The following B3GLCT variants were observed in gnomAD, a reference collection of about 807,000 sequenced individuals.
The protein encoded by B3GLCT is beta-1,3-glucosyltransferase.
A neutral mutation model predicts 63.4 loss-of-function variants in B3GLCT; 65 were observed. The ratio of observed to expected loss-of-function variants is 1.03; its 90% confidence interval spans 0.84 to 1.26. The LOEUF (loss-of-function observed/expected upper bound fraction) is 1.26. Ranked by LOEUF, B3GLCT falls within the 50% of genes most tolerant of loss-of-function variation. The probability of loss-of-function intolerance (pLI) is 0.00; values close to 1 mark genes in which losing one functional copy is unlikely to be tolerated. For missense variants in B3GLCT, 577 were observed against 604.8 expected (o/e 0.95, Z 0.48); for synonymous variants, 233 against 219.2 (o/e 1.06, Z -0.55).
At chr13:31,258,934 C>A (rs1593279294) in intron 6 of B3GLCT, among the ~76,000 whole-genome samples, 1 of 152,038 alleles carries the variant, frequency 6.6e-6, no homozygotes, top group South Asian at 2.1e-4. Context: ...AGCCCTTTTC[C>A]TTTTGTCTCA....
intron 2 of B3GLCT, among the ~76,000 whole-genome samples, chr13:31,219,619 G>A (rs1354377189): frequency 1.2e-4 from 19 of 152,142 alleles, no homozygotes; most frequent in Admixed American, 1.2e-3. Flanking sequence ...AGTGAACCTC[G>A]CTGTGCTCAG....
chr13:31,240,606 T>C (rs1327110441), intron 4 of B3GLCT, among the ~76,000 whole-genome samples: 1 of 152,108 alleles, frequency 6.6e-6, no homozygotes, highest in African/African-American at 2.4e-5. Context: ...TTTCAGAATT[T>C]TTTTTTATTC....
intron 1 of B3GLCT, among the ~76,000 whole-genome samples, chr13:31,205,066 G>A (rs1156228506): frequency 1.3e-5 from 2 of 152,082 alleles, no homozygotes; most frequent in Non-Finnish European, 2.9e-5. Flanking sequence ...TTTAATTTTA[G>A]GGGGAGGTGA....
chr13:31,252,782 T>C (rs994970139), intron 6 of B3GLCT, among the ~76,000 whole-genome samples: 1 of 152,174 alleles, frequency 6.6e-6, no homozygotes, highest in African/African-American at 2.4e-5. Flanking sequence ...AACACCCCAC[T>C]GTCAGTATTA....
At position 31,260,926 on chromosome 13, in the gene B3GLCT, G is replaced by A; in HGVS notation, c.460-20G>A. On this transcript the variant is annotated intron_variant, in intron 6 of 14. Coordinates refer to ENST00000343307, the MANE Select transcript of B3GLCT (RefSeq NM_194318.4). Reference sequence around the variant, plus strand: ...GAAATGATTGTTTTTAAAGTGACATGTTATATCTTTATTTAACAGGAATGG... The same window carrying A: ...GAAATGATTGTTTTTAAAGTGACATATTATATCTTTATTTAACAGGAATGG... The A allele has an allele frequency of 3.1e-6, 5 of 1,608,896 alleles. No individual in the cohort carries two copies. The highest frequency in any genetic ancestry group is 4.3e-6 in the Non-Finnish European group (5 of 1,175,452).
At chr13:31,289,841 C>G (rs1873554881) in intron 12 of B3GLCT, among the ~76,000 whole-genome samples, 1 of 151,548 alleles carries the variant, frequency 6.6e-6, no homozygotes, top group Admixed American at 6.6e-5. Context: ...ATTGTTTTAT[C>G]TGACATTTTC....
chr13:31,209,127 T>G (rs928565261), intron 1 of B3GLCT, among the ~76,000 whole-genome samples: 1 of 152,210 alleles, frequency 6.6e-6, no homozygotes, highest in Non-Finnish European at 1.5e-5. Flanking sequence ...GACAGGGCCT[T>G]CCATCCCATG....
chr13:31,328,432 G>A (rs1160579361), intron 14 of B3GLCT, among the ~76,000 whole-genome samples: 2 of 151,960 alleles, frequency 1.3e-5, no homozygotes, highest in Non-Finnish European at 2.9e-5. Context: ...AGTGGCTCAC[G>A]CCTGCAACCT....
intron 1 of B3GLCT, among the ~76,000 whole-genome samples, chr13:31,206,371 C>G (rs529398834): frequency 9.2e-5 from 14 of 152,208 alleles, no homozygotes; most frequent in Admixed American, 5.2e-4. Context: ...GTGTGAGAAC[C>G]CTGCCTGGGC....
rs1281367967 is a variant in B3GLCT, at chr13:31,200,052, G to C, written c.-33G>C. ...CTCCCCGCGCGTCTCCCTTCCCCGC[G>C]CCCAGGTAGGGCGCTCAGCCTCCGC... On this transcript the variant is annotated 5_prime_UTR_variant, in exon 1 of 15. Transcript: ENST00000343307. 1 of 1,316,458 alleles carries C rather than the reference G, an allele frequency of 7.6e-7. No homozygotes were observed. Among genetic ancestry groups the C allele is most frequent in the African/African-American group, 1.5e-5 (1 of 64,942 alleles). The allele number at this position is 1,316,458 out of a possible 1,614,324, so 81.5% of individuals were successfully genotyped here. A position where few individuals can be genotyped will look rare whatever the true frequency, so the allele number is the denominator to read the frequency against.
chr13:31,300,299 C>A (rs1481962116), intron 12 of B3GLCT, among the ~76,000 whole-genome samples: 1 of 152,134 alleles, frequency 6.6e-6, no homozygotes, highest in Non-Finnish European at 1.5e-5. Flanking sequence ...TGGGCATTGC[C>A]TCCCTTACTA....
chr13:31,280,173 A>G (rs1593293768), intron 10 of B3GLCT, among the ~76,000 whole-genome samples: 2 of 152,250 alleles, frequency 1.3e-5, no homozygotes, highest in African/African-American at 4.8e-5. Context: ...AAAGACAGGC[A>G]TAGGAAATCA....
chr13:31,280,464 C>G (rs1328177691), intron 10 of B3GLCT, among the ~76,000 whole-genome samples: 2 of 152,120 alleles, frequency 1.3e-5, no homozygotes, highest in Non-Finnish European at 2.9e-5. Flanking sequence ...CTTGTGTTTG[C>G]CAAGTTGAGA....
intron 1 of B3GLCT, among the ~76,000 whole-genome samples, chr13:31,205,386 A>G (rs543900208): frequency 5.3e-5 from 8 of 151,844 alleles, no homozygotes; most frequent in African/African-American, 1.7e-4. Context: ...GTGAAACCCC[A>G]TCTCTACTAA....
At chr13:31,220,523 C>T (rs1869761960) in intron 2 of B3GLCT, among the ~76,000 whole-genome samples, 1 of 152,226 alleles carries the variant, frequency 6.6e-6, no homozygotes, top group African/African-American at 2.4e-5. Flanking sequence ...GTGTTTCCTT[C>T]ATTTTAGGAA....
chr13:31,217,540 C>G (rs1869618492), intron 2 of B3GLCT, among the ~76,000 whole-genome samples: 1 of 152,126 alleles, frequency 6.6e-6, no homozygotes, highest in Non-Finnish European at 1.5e-5. Flanking sequence ...ATGGTATTTC[C>G]TATGTTTTCT....
At chr13:31,300,458 G>A (rs188863496) in intron 12 of B3GLCT, among the ~76,000 whole-genome samples, 13 of 152,278 alleles carry the variant, frequency 8.5e-5, no homozygotes, top group Admixed American at 7.9e-4. Flanking sequence ...TGCAAGACTG[G>A]CCAAGTGGAA....
At chr13:31,259,520 C>T (rs1201485228) in intron 6 of B3GLCT, among the ~76,000 whole-genome samples, 2 of 151,264 alleles carry the variant, frequency 1.3e-5, no homozygotes, top group African/African-American at 4.9e-5. Context: ...AGCCTCTCCA[C>T]TGCTGCTTTC....
At chr13:31,273,249 C>T (rs1001911023) in intron 8 of B3GLCT, among the ~76,000 whole-genome samples, 10 of 152,116 alleles carry the variant, frequency 6.6e-5, no homozygotes, top group African/African-American at 2.4e-4. Context: ...CGCGTGCCAC[C>T]ACGACCAGCT....
Sources: allele counts gnomAD v4.1 joint callset (sites outside exome capture counted in the v4.1 genomes callset), GRCh38; gene constraint gnomAD v4.1.1; transcripts MANE v1.5; gene names NCBI Gene and HGNC (gene_info 2026-07-23, HGNC 2026-07-21).